KIF26B: variants seen among roughly 807,000 people sequenced by gnomAD.
The protein encoded by KIF26B is kinesin-like protein KIF26B.
Under a neutral mutation model 151.2 loss-of-function variants are expected in KIF26B, and 63 were observed. That is an observed-to-expected ratio of 0.42 (90% CI 0.34 to 0.51). KIF26B has a LOEUF of 0.51. Among genes scored for constraint, KIF26B ranks in the 20% least tolerant of loss-of-function variants. The pLI is 0.07. For synonymous variants in KIF26B, 1,357 were observed against 1,262.1 expected, an observed-to-expected ratio of 1.08 and a Z score of -1.59; for missense variants, 2,813 against 2,913.6, an observed-to-expected ratio of 0.97 and a Z score of 0.79.
chr1:245,189,277 A>T (rs1024934405), intron 2 of KIF26B, among the ~76,000 whole-genome samples: 1 of 152,238 alleles, frequency 6.6e-6, no homozygotes, highest in African/African-American at 2.4e-5. Flanking sequence ...CCTGGGAAAT[A>T]TGATATAATA....
intron 3 of KIF26B, chr1:245,371,544 A>T (rs189986455): frequency 8.5e-5 from 13 of 152,260 alleles, no homozygotes; most frequent in Admixed American, 8.5e-4. Context: ...GAGGGAGAAG[A>T]CGACTCTGCC....
Position 245,389,260 on chromosome 1 carries a change from T to C in KIF26B, c.999+21893T>C, listed in dbSNP as rs1334050130. Among the ~76,000 whole-genome samples, 3 of 152,222 alleles carry C rather than the reference T, an allele frequency of 2.0e-5. No individual in the cohort carries two copies. The South Asian group carries it at 6.2e-4, about 32-fold the overall frequency. On this transcript the variant is annotated intron_variant, in intron 3 of 14. Coordinates refer to ENST00000407071, the MANE Select transcript of KIF26B (RefSeq NM_018012.4). ...TCCTGAGTAGCTGGGATTACAGGCA[T>C]GCACCATCATGCCCGGCTAATTTTG... is the stretch of plus-strand genomic sequence containing the variant.
intron 4 of KIF26B, among the ~76,000 whole-genome samples, chr1:245,465,231 G>A (rs1306665798): frequency 6.6e-6 from 1 of 152,204 alleles, no homozygotes; most frequent in Non-Finnish European, 1.5e-5. Context: ...GCCCGCCTCG[G>A]CCTCCCAAAG....
At chr1:245,524,756 T>C (rs1661202600) in intron 4 of KIF26B, among the ~76,000 whole-genome samples, 1 of 152,206 alleles carries the variant, frequency 6.6e-6, no homozygotes, top group African/African-American at 2.4e-5. Flanking sequence ...TATGTTTTTT[T>C]CTTTCATAGT....
At chr1:245,368,861 G>A (rs1285523952) in intron 3 of KIF26B, among the ~76,000 whole-genome samples, 4 of 152,136 alleles carry the variant, frequency 2.6e-5, no homozygotes, top group Admixed American at 6.5e-5. Flanking sequence ...TTTGCTGGGC[G>A]TGGTGGCTCA....
intron 4 of KIF26B, among the ~76,000 whole-genome samples, chr1:245,458,783 T>A (rs1001235377): frequency 6.6e-6 from 1 of 152,228 alleles, no homozygotes; most frequent in African/African-American, 2.4e-5. Flanking sequence ...CCAAGGGCCC[T>A]CATTTACTAA....
chr1:245,614,098 T>C lies in KIF26B; in HGVS notation c.2098+2122T>C, dbSNP rs535797331. 9.5e-4 allele frequency among the ~76,000 whole-genome samples: 144 copies of C among 152,262 alleles called. 1 individual carries two copies. The South Asian group carries it at 0.029, about 31-fold the overall frequency. On this transcript the variant is annotated intron_variant, in intron 9 of 14. Transcript: ENST00000407071. ...TCTTTCACGTAGTGTCCTAATGCATTTGAGACTCCCCCATGCTGCAGCACG... is the reference window on the plus strand; with the variant it reads ...TCTTTCACGTAGTGTCCTAATGCATCTGAGACTCCCCCATGCTGCAGCACG...
At chr1:245,585,666 G>A (rs565524877) in intron 5 of KIF26B, among the ~76,000 whole-genome samples, 3 of 152,154 alleles carry the variant, frequency 2.0e-5, no homozygotes, top group African/African-American at 4.8e-5. Flanking sequence ...TTCTCTTCTC[G>A]AGAGTTCCGA....
chr1:245,354,279 A>C (rs1321803887), intron 2 of KIF26B, among the ~76,000 whole-genome samples: 1 of 152,210 alleles, frequency 6.6e-6, no homozygotes, highest in Admixed American at 6.5e-5. Context: ...GAAGGAAACT[A>C]CAAAGTTACC....
intron 2 of KIF26B, among the ~76,000 whole-genome samples, chr1:245,341,245 T>C (rs1672326324): frequency 6.6e-6 from 1 of 151,664 alleles, no homozygotes; most frequent in East Asian, 1.9e-4. Context: ...CTTCAGTCTG[T>C]TTCTGAGATT....
At chr1:245,303,329 G>A (rs1272154872) in intron 2 of KIF26B, among the ~76,000 whole-genome samples, 1 of 150,502 alleles carries the variant, frequency 6.6e-6, no homozygotes, top group Non-Finnish European at 1.5e-5. Context: ...CTCCCGAGTA[G>A]CTGGGACTAC....
intron 10 of KIF26B, among the ~76,000 whole-genome samples, chr1:245,649,298 G>C (rs2043988294): frequency 6.6e-6 from 1 of 152,156 alleles, no homozygotes; most frequent in Non-Finnish European, 1.5e-5. Context: ...CCAGCCAGTG[G>C]GTGGCAGGAT....
intron 4 of KIF26B, among the ~76,000 whole-genome samples, chr1:245,453,020 G>C (rs962213291): frequency 6.6e-6 from 1 of 152,066 alleles, no homozygotes; most frequent in African/African-American, 2.4e-5. Flanking sequence ...AAGTTGCAAA[G>C]ATTTACCTGT....
At position 245,702,526 on chromosome 1, in the gene KIF26B, C is replaced by T. The variant is rs776637495; in HGVS notation, c.6247C>T (p.Arg2083Cys). The change falls in exon 15 of 15, where the codon CGC (arginine) becomes TGC (cysteine). Residue 2083 changes from arginine (R) to cysteine (C), a missense_variant. Arg to Cys is a radical substitution (Grantham distance 180). Coordinates refer to ENST00000407071, the MANE Select transcript of KIF26B (RefSeq NM_018012.4). This position sits in a 1 kb window ranked among gnomAD's most constrained non-coding sequence, Gnocchi z 4.1. ...GGAGGCACTGGAGTGTGTGACGGAG[C>T]GCCTGGAGAGCCGTGTCAACTTCTG... ...YLEALECVTERLESRVNFCKA... is the reference protein window; with the variant it reads ...YLEALECVTECLESRVNFCKA... 18 of 1,613,760 alleles carry T rather than the reference C, an allele frequency of 1.1e-5. No homozygotes were observed. Among genetic ancestry groups the T allele is most frequent in the East Asian group, 2.2e-5 (1 of 44,882 alleles).
chr1:245,541,096 C>T, intron 5 of KIF26B, 146 bp downstream of exon 5: 4 of 685,586 alleles, frequency 5.8e-6, no homozygotes, highest in Non-Finnish European at 9.6e-6. Flanking sequence ...TTTGAAAGTC[C>T]TGAAAATTGT....
rs181670295 is a variant in KIF26B at position 245,690,128 on chromosome 1, C to T, written c.5824+1321C>T. On this transcript the variant is annotated intron_variant, in intron 12 of 14. Transcript: ENST00000407071. Reference sequence around the variant, plus strand: ...ACTTGAGAATTTTGCCTGGAATCATCTCTGCTCATAAGTGGCTTCCAAAGA... The same window carrying T: ...ACTTGAGAATTTTGCCTGGAATCATTTCTGCTCATAAGTGGCTTCCAAAGA... 1.1e-4 allele frequency among the ~76,000 whole-genome samples: 16 copies of T among 152,288 alleles called. No individual in the cohort carries two copies. In the East Asian group the frequency reaches 3.1e-3, roughly 29 times the overall value.
chr1:245,253,351 A>C (rs1474486252), intron 2 of KIF26B, among the ~76,000 whole-genome samples: 1 of 151,964 alleles, frequency 6.6e-6, no homozygotes, highest in Admixed American at 6.6e-5. Flanking sequence ...AGATTTTTTT[A>C]GTGTTAAATG....
chr1:245,382,148 G>GT (rs890408469), intron 3 of KIF26B, among the ~76,000 whole-genome samples: 4 of 152,148 alleles, frequency 2.6e-5, no homozygotes, highest in African/African-American at 9.7e-5. Context: ...CCACCATACT[G>GT]TTTTCCATAG....
intron 10 of KIF26B, among the ~76,000 whole-genome samples, chr1:245,683,690 G>C (rs1278294218): frequency 6.6e-6 from 1 of 152,178 alleles, no homozygotes. Context: ...AGTGCTACTA[G>C]GTGCAAATAT....
Sources: gnomAD v4.1 joint callset for allele counts (sites outside exome capture counted in the v4.1 genomes callset) on GRCh38, gnomAD v4.1.1 for gene constraint, Gnocchi (gnomAD v3.1) non-coding constraint, MANE v1.5 for transcripts, NCBI Gene and HGNC (gene_info 2026-07-23, HGNC 2026-07-21) for gene names.